CSMD2: variants seen among roughly 807,000 people sequenced by gnomAD.
The protein encoded by CSMD2 is CUB and Sushi multiple domains 2, also known as CUB and sushi domain-containing protein 2.
Under a neutral mutation model 398.5 loss-of-function variants are expected in CSMD2, and 130 were observed. The ratio of observed to expected loss-of-function variants is 0.33; its 90% CI spans 0.28 to 0.38. CSMD2 has a LOEUF of 0.38. CSMD2 is among the 10% of genes least tolerant of loss of function. CSMD2 has a pLI of 1.00. For missense variants in CSMD2, 3,829 were observed against 4,764.9 expected, an observed-to-expected ratio of 0.80 and a Z score of 5.78; for synonymous variants, 1,828 against 1,908.5, an observed-to-expected ratio of 0.96 and a Z score of 1.10.
chr1:33,804,003 G>T (rs969942679), intron 10 of CSMD2, among the ~76,000 whole-genome samples: 2 of 152,206 alleles, frequency 1.3e-5, no homozygotes, highest in Non-Finnish European at 2.9e-5. Flanking sequence ...TTAAATCCCA[G>T]TTCTGCCACT....
At chr1:33,707,460 G>C (rs1645824916) in intron 22 of CSMD2, among the ~76,000 whole-genome samples, 1 of 152,128 alleles carries the variant, frequency 6.6e-6, no homozygotes, top group Non-Finnish European at 1.5e-5. Context: ...CTAAAGACAT[G>C]GTTATTGGAA....
At chr1:34,127,767 C>G (rs936712728) in intron 1 of CSMD2, among the ~76,000 whole-genome samples, 3 of 152,072 alleles carry the variant, frequency 2.0e-5, no homozygotes, top group African/African-American at 7.2e-5. Flanking sequence ...GTGGCAGGCC[C>G]AGAGCTGAGT....
intron 1 of CSMD2, among the ~76,000 whole-genome samples, chr1:34,097,207 A>G (rs1422302522): frequency 2.7e-5 from 4 of 149,608 alleles, no homozygotes; most frequent in African/African-American, 7.5e-5. Context: ...CTGGCTAGCC[A>G]TATGTAGAAA....
intron 29 of CSMD2, among the ~76,000 whole-genome samples, chr1:33,643,722 C>G (rs539572170): frequency 6.6e-6 from 1 of 152,236 alleles, no homozygotes; most frequent in Non-Finnish European, 1.5e-5. Flanking sequence ...GCCATGGGAC[C>G]TGATAGCAAA....
chr1:33,524,754 C>T, intron 66 of CSMD2, 128 bp downstream of exon 66: 1 of 875,146 alleles, frequency 1.1e-6, no homozygotes, highest in Non-Finnish European at 1.7e-6. Context: ...TAGACACTTC[C>T]TCTTCCCTGA....
In CSMD2 at chr1:33,743,465, A is replaced by G; in HGVS notation, c.1988T>C (p.Ile663Thr). 1 of 1,614,196 alleles carries G rather than the reference A, an allele frequency of 6.2e-7. No homozygotes were observed. The highest frequency in any genetic ancestry group is 8.5e-7 in the Non-Finnish European group (1 of 1,180,048). The change falls in exon 14 of 71, where the codon ATT (isoleucine) becomes ACT (threonine). Residue 663 changes from isoleucine (I) to threonine (T), a missense_variant. Physicochemically the swap from Ile to Thr is moderately conservative, Grantham distance 89. This residue lies in a region of CSMD2 where 2,001 missense variants were observed against 2,567.1 expected (regional missense o/e 0.78). Transcript: ENST00000373381. Reference sequence around the variant, plus strand: ...GAAATCAAACTGAGGCTCCACGTCAATGTCGTTGAAGGCCAGGTGGATGCG... The same window carrying G: ...GAAATCAAACTGAGGCTCCACGTCAGTGTCGTTGAAGGCCAGGTGGATGCG... ...ESRIHLAFND[I>T]DVEPQFDFLV...
intron 27 of CSMD2, among the ~76,000 whole-genome samples, chr1:33,656,686 G>A (rs1014913373): frequency 1.7e-4 from 26 of 152,358 alleles, no homozygotes; most frequent in Admixed American, 1.6e-3. Flanking sequence ...GAAAATGAGA[G>A]GCTTTGCATT....
chr1:33,707,455 G>C (rs997119371), intron 22 of CSMD2, among the ~76,000 whole-genome samples: 1 of 152,154 alleles, frequency 6.6e-6, no homozygotes, highest in Non-Finnish European at 1.5e-5. Context: ...GATGCCTAAA[G>C]ACATGGTTAT....
At chr1:33,972,997 G>C (rs1161734795) in intron 3 of CSMD2, among the ~76,000 whole-genome samples, 2 of 152,194 alleles carry the variant, frequency 1.3e-5, no homozygotes, top group African/African-American at 2.4e-5. Context: ...GAGGTTCAGA[G>C]AGGGTAAGCC....
intron 55 of CSMD2, among the ~76,000 whole-genome samples, chr1:33,552,035 C>T (rs1452100568): frequency 6.6e-6 from 1 of 152,208 alleles, no homozygotes; most frequent in Non-Finnish European, 1.5e-5. Flanking sequence ...CAGCCAATAA[C>T]ATGTGGGGCA....
intron 10 of CSMD2, among the ~76,000 whole-genome samples, chr1:33,800,197 A>G (rs932914468): frequency 1.2e-4 from 19 of 152,324 alleles, no homozygotes; most frequent in African/African-American, 4.3e-4. Context: ...CATGAAAGGA[A>G]GGGAACTCAC....
At position 33,537,360 on chromosome 1, in the gene CSMD2, A is replaced by C; in HGVS notation, c.9805+76T>G. 7.0e-7 allele frequency: 1 copy of C among 1,438,668 alleles called. No homozygotes were observed. The highest frequency in any genetic ancestry group is 9.5e-7 in the Non-Finnish European group (1 of 1,052,574). The allele number at this position is 1,438,668 out of a possible 1,614,324, so 89.1% of individuals were successfully genotyped here. On this transcript the variant is annotated intron_variant, in intron 61 of 70. Transcript: ENST00000373381. The surrounding 1 kb of genome is among the most constrained non-coding windows in gnomAD (Gnocchi z 4.6). ...GAGACCACTGAAGACAGGGAAGGAA[A>C]GTAATCATCTCAGGCCCAAAAGAAG...
intron 15 of CSMD2, among the ~76,000 whole-genome samples, chr1:33,738,665 A>C (rs78912528): frequency 0.018 from 2,690 of 152,242 alleles, 91 homozygotes; most frequent in African/African-American, 0.062. Flanking sequence ...ACAAGGATAT[A>C]AAGTCAGCAT....
chr1:34,136,323 A>G (rs142678869), intron 1 of CSMD2, among the ~76,000 whole-genome samples: 15 of 152,380 alleles, frequency 9.8e-5, no homozygotes, highest in African/African-American at 3.4e-4. Context: ...CAGCCCACTC[A>G]GTTGAATGTG....
chr1:33,928,718 TAG>T (rs886805931), intron 4 of CSMD2, among the ~76,000 whole-genome samples: 4 of 152,178 alleles, frequency 2.6e-5, no homozygotes, highest in African/African-American at 9.6e-5. Flanking sequence ...CCAGTAGCAG[TAG>T]AGTTACCCTA....
At chr1:33,557,323 G>A (rs1658091140) in intron 55 of CSMD2, among the ~76,000 whole-genome samples, 1 of 152,108 alleles carries the variant, frequency 6.6e-6, no homozygotes, top group African/African-American at 2.4e-5. Context: ...CAGAGTCTGT[G>A]ACCTCTCTGC....
intron 3 of CSMD2, among the ~76,000 whole-genome samples, chr1:33,994,349 C>T (rs1314175765): frequency 6.6e-6 from 1 of 151,646 alleles, no homozygotes; most frequent in African/African-American, 2.4e-5. Flanking sequence ...GGCCTGTCTT[C>T]CCCCTGATGA....
At chr1:33,936,127 C>T (rs1644474062) in intron 3 of CSMD2, among the ~76,000 whole-genome samples, 173 bp from the exon 4 acceptor site, 1 of 152,216 alleles carries the variant, frequency 6.6e-6, no homozygotes, top group African/African-American at 2.4e-5. Flanking sequence ...GCTGTAGATT[C>T]CCTGGGAATG....
At chr1:33,608,624 G>C (rs184169076) in intron 41 of CSMD2, among the ~76,000 whole-genome samples, 52 of 152,316 alleles carry the variant, frequency 3.4e-4, no homozygotes, top group African/African-American at 1.3e-3. Context: ...TGTCTTTATA[G>C]AAGGTGGGAA....
Sources: gnomAD v4.1 joint callset for allele counts (sites outside exome capture counted in the v4.1 genomes callset) on GRCh38, gnomAD v4.1.1 for gene constraint, gnomAD v4.1.1 regional missense constraint, Gnocchi (gnomAD v3.1) non-coding constraint, MANE v1.5 for transcripts, NCBI Gene and HGNC (gene_info 2026-07-23, HGNC 2026-07-21) for gene names.